The following WASHC2A variants were observed in gnomAD, a reference collection of about 807,000 sequenced individuals.
WASHC2A encodes WASH complex subunit FAM21A.
A neutral mutation model predicts 140.3 loss-of-function variants in WASHC2A; 82 were observed. That is an observed-to-expected ratio of 0.58 (90% CI 0.49 to 0.70). The LOEUF (loss-of-function observed/expected upper bound fraction) is 0.70. WASHC2A is among the 30% of genes least tolerant of loss of function. The pLI is 0.00. For synonymous variants in WASHC2A, 340 were observed against 560.8 expected (o/e 0.61, Z 5.56); for missense variants, 985 against 1,521.8 (o/e 0.65, Z 5.87).
chr10:50,094,216 T>G (rs1674845883), intron 13 of WASHC2A, among the ~76,000 whole-genome samples: 1 of 150,464 alleles, frequency 6.6e-6, no homozygotes, highest in Admixed American at 6.7e-5. Context: ...GAATGAAGTT[T>G]AATTTAAAGA....
intron 10 of WASHC2A, 144 bp downstream of exon 10, chr10:50,091,662 G>C (rs1441686317): frequency 1.0e-6 from 1 of 993,088 alleles, no homozygotes; most frequent in Non-Finnish European, 1.5e-6. Flanking sequence ...AAATTGTAGC[G>C]CTTATTCCTT....
Position 50,068,023 on chromosome 10 carries a change from C to T in WASHC2A, c.3+15C>T, listed in dbSNP as rs1554874525. 1.2e-6 allele frequency: 2 copies of T among 1,607,944 alleles called. No individual in the cohort carries two copies. Among genetic ancestry groups the T allele is most frequent in the Non-Finnish European group, 1.7e-6 (2 of 1,178,300 alleles). ...CGGCTAGGATGGTGAGGGCGCCGGG[C>T]AGGAGAGAGGCCGGCCTGGGCTGGG... On this transcript the variant is annotated intron_variant, in intron 1 of 30. Transcript: ENST00000282633.
chr10:50,077,684 T>C (rs1358031701), intron 3 of WASHC2A, among the ~76,000 whole-genome samples: 49 of 152,244 alleles, frequency 3.2e-4, no homozygotes, highest in African/African-American at 1.1e-3. Context: ...CATTTCATTT[T>C]ATTTTTGAGA....
At position 50,067,988 on chromosome 10, in the gene WASHC2A, C is replaced by T. The variant is rs782694776; in HGVS notation, c.-18C>T. On this transcript the variant is annotated 5_prime_UTR_variant, in exon 1 of 31. Coordinates refer to ENST00000282633, the MANE Select transcript of WASHC2A (RefSeq NM_001005751.3). ...CGTGTGCTGGCAGCTTCGGAGCCCA[C>T]CGAGCCGGGCGGCTAGGATGGTGAG... 1.4e-5 allele frequency: 23 copies of T among 1,604,738 alleles called. No homozygotes were observed. The highest frequency in any genetic ancestry group is 1.9e-5 in the Non-Finnish European group (22 of 1,177,072).
rs1291375602 is a variant in WASHC2A at position 50,111,091 on chromosome 10, TTG to T, written c.2039+822_2039+823del. 5.6e-4 allele frequency among the ~76,000 whole-genome samples: 83 copies of T among 147,690 alleles called. No individual in the cohort carries two copies. The Middle Eastern group carries it at 0.017, about 31-fold the overall frequency. ...TATTCAGAGTGAGCGTGGGCTGTGG[TTG>T]GTATAACATGCTGCCAGATTAGCTT... On this transcript the variant is annotated intron_variant, in intron 20 of 30. Transcript: ENST00000282633.
At position 50,075,630 on chromosome 10, in the gene WASHC2A, C is replaced by T. The variant is rs559407222; in HGVS notation, c.292-3045C>T. Among the ~76,000 whole-genome samples the T allele has an allele frequency of 4.0e-5, 6 of 148,666 alleles. No individual in the cohort carries two copies. In the South Asian group the frequency reaches 1.3e-3, roughly 31 times the overall value. ...TTTCATTTTTATCCCTTATAGATAA[C>T]CTTTATTGTGTAGTTGTTCTTTTCT... is the stretch of plus-strand genomic sequence containing the variant. On this transcript the variant is annotated intron_variant, in intron 3 of 30. Coordinates refer to ENST00000282633, the MANE Select transcript of WASHC2A (RefSeq NM_001005751.3).
chr10:50,098,059 G>T (rs1201442123), intron 16 of WASHC2A, among the ~76,000 whole-genome samples: 3 of 151,514 alleles, frequency 2.0e-5, no homozygotes, highest in Non-Finnish European at 4.4e-5. Flanking sequence ...CATGTAAGTT[G>T]TTTGAACTGT....
intron 8 of WASHC2A, among the ~76,000 whole-genome samples, chr10:50,089,654 G>A (rs1433159728): frequency 5.3e-5 from 8 of 152,286 alleles, no homozygotes; most frequent in East Asian, 3.9e-4. Context: ...GGGGCGGGGC[G>A]TGGTATCATC....
chr10:50,113,233 G>A (rs1554890965), intron 20 of WASHC2A, among the ~76,000 whole-genome samples: 1 of 151,998 alleles, frequency 6.6e-6, no homozygotes, highest in Non-Finnish European at 1.5e-5. Flanking sequence ...GCCAGGCATG[G>A]TGACGTGTGC....
intron 8 of WASHC2A, among the ~76,000 whole-genome samples, chr10:50,089,910 G>A (rs1376729084): frequency 2.0e-5 from 3 of 152,002 alleles, no homozygotes; most frequent in African/African-American, 7.3e-5. Flanking sequence ...AGGAGTTCGA[G>A]ACCAGCCTGG....
chr10:50,133,486 A>C lies in WASHC2A; in HGVS notation c.*541A>C. The C allele has an allele frequency of 2.1e-6, 1 of 469,240 alleles. No individual in the cohort carries two copies. The highest frequency in any genetic ancestry group is 4.4e-6 in the Non-Finnish European group (1 of 227,060). The allele number at this position is 469,240 out of a possible 1,614,324, so 29.1% of individuals were successfully genotyped here. A position where few individuals can be genotyped will look rare whatever the true frequency, so the allele number is the denominator to read the frequency against. On this transcript the variant is annotated 3_prime_UTR_variant, in exon 31 of 31. Transcript: ENST00000282633. The stretch of plus-strand genomic sequence containing the variant: ...CCCCCACTGTCATATTTTGTTAATA[A>C]AATTTTATTGGAACACAACCACATT...
In WASHC2A at chr10:50,069,618, C is replaced by A; in HGVS notation, c.198C>A (p.Asp66Glu). ...SRTHEIKKQV[D>E]GLIRETKATD... is the part of the protein sequence containing the mutation. ...CCCATGAAATCAAGAAACAAGTGGACGGACTAATTCGGGAAACCAAAGCCA... is the reference window on the plus strand; with the variant it reads ...CCCATGAAATCAAGAAACAAGTGGAAGGACTAATTCGGGAAACCAAAGCCA... Residue 66 changes from aspartate (D) to glutamate (E), a missense_variant, in exon 3 of 31, where the codon GAC becomes GAA. By Grantham distance (45) the Asp-to-Glu change is conservative. Coordinates refer to ENST00000282633, the MANE Select transcript of WASHC2A (RefSeq NM_001005751.3). 6.2e-7 allele frequency: 1 copy of A among 1,613,902 alleles called. No individual in the cohort carries two copies. The highest frequency in any genetic ancestry group is 8.5e-7 in the Non-Finnish European group (1 of 1,179,846).
chr10:50,114,530 CA>C (rs1212563688), intron 21 of WASHC2A, among the ~76,000 whole-genome samples: 5,442 of 109,858 alleles, frequency 0.05, 323 homozygotes, highest in African/African-American at 0.17. Context: ...TACTGCAGGC[CA>C]AAAAAAAAAA....
rs1270081111 is a variant in WASHC2A, at chr10:50,130,908, T to C, written c.3716T>C (p.Ile1239Thr). Residue 1239 changes from isoleucine (I) to threonine (T), a missense_variant, in exon 30 of 31, where the codon ATA becomes ACA. Coordinates refer to ENST00000282633, the MANE Select transcript of WASHC2A (RefSeq NM_001005751.3). ...LTTQDIFEDD[I>T]FATEAIKPSQ... ...TATTTTTGGCTTAACAAGGATGATA[T>C]ATTTGCTACGGAAGCAATTAAACCC... 8 of 1,601,320 alleles carry C rather than the reference T, an allele frequency of 5.0e-6. No individual in the cohort carries two copies. In the East Asian group the frequency reaches 6.7e-5, roughly 13 times the overall value.
In WASHC2A at chr10:50,130,997, A is replaced by G; in HGVS notation, c.3805A>G (p.Ile1269Val). The G allele has an allele frequency of 5.0e-6, 8 of 1,610,534 alleles. No individual in the cohort carries two copies. The highest frequency in any genetic ancestry group is 6.8e-6 in the Non-Finnish European group (8 of 1,178,890). Reference protein sequence around the residue: ...ESNLFDDNIDIFADLTVKPKE... With the variant: ...ESNLFDDNIDVFADLTVKPKE... ...TAATTTATTTGATGATAACATTGAT[A>G]TCTTTGCTGACTTAACTGTAAAACC... Residue 1269 changes from isoleucine to valine, a missense_variant, in exon 30 of 31, where the codon ATC becomes GTC. By Grantham distance (29) the Ile-to-Val change is conservative. Coordinates refer to ENST00000282633, the MANE Select transcript of WASHC2A (RefSeq NM_001005751.3).
intron 14 of WASHC2A, among the ~76,000 whole-genome samples, 195 bp downstream of exon 14, chr10:50,095,402 T>C (rs1306425565): frequency 6.0e-4 from 91 of 152,214 alleles, no homozygotes; most frequent in Non-Finnish European, 7.3e-4. Context: ...CTTGGACTTT[T>C]TTGTGTTTGA....
At chr10:50,111,620 C>T (rs71489319) in intron 20 of WASHC2A, among the ~76,000 whole-genome samples, 46,971 of 151,856 alleles carry the variant, frequency 0.31, 8,251 homozygotes, top group Non-Finnish European at 0.4. Flanking sequence ...CAGTTAGCAT[C>T]GTGACTGCAG....
rs563127849 is a variant in WASHC2A, at chr10:50,084,713, G to A, written c.622+548G>A. The stretch of plus-strand genomic sequence containing the variant: ...CAAAGTGCTGGGATTACAAGCATGA[G>A]CCACCGTGCCCGGCTGTTTTTCTTT... On this transcript the variant is annotated intron_variant, in intron 6 of 30. Transcript: ENST00000282633. Among the ~76,000 whole-genome samples the A allele has an allele frequency of 5.3e-3, 770 of 145,902 alleles. 13 individuals are homozygous for A. Among genetic ancestry groups the A allele is most frequent in the African/African-American group, 0.019 (734 of 38,798 alleles).
chr10:50,103,403 C>A (rs1371627228), intron 17 of WASHC2A, among the ~76,000 whole-genome samples: 2 of 151,728 alleles, frequency 1.3e-5, no homozygotes, highest in Non-Finnish European at 2.9e-5. Context: ...ACTAAAAATA[C>A]AAAAAAATTA....
Sources: gnomAD v4.1 joint callset for allele counts (sites outside exome capture counted in the v4.1 genomes callset) on GRCh38, gnomAD v4.1.1 for gene constraint, MANE v1.5 for transcripts, NCBI Gene and HGNC (gene_info 2026-07-23, HGNC 2026-07-21) for gene names.